Variants in ME1 observed in about 807,000 individuals in gnomAD.
The protein encoded by ME1 is NADP-dependent malic enzyme.
Under a neutral mutation model 66.4 loss-of-function variants are expected in ME1, and 74 were observed. That is an observed-to-expected ratio of 1.11 (90% CI 0.92 to 1.35). The LOEUF (loss-of-function observed/expected upper bound fraction) is 1.35, where lower values mean the gene tolerates loss of function less well. Ranked by LOEUF, ME1 falls within the 40% of genes most tolerant of loss-of-function variation. ME1 has a pLI of 0.00. For missense variants in ME1, 750 were observed against 694.1 expected, an observed-to-expected ratio of 1.08 and a Z score of -0.90; for synonymous variants, 251 against 235.6, an observed-to-expected ratio of 1.07 and a Z score of -0.60.
At chr6:83,428,693 A>G (rs1192206929) in intron 1 of ME1, among the ~76,000 whole-genome samples, 3 of 152,234 alleles carry the variant, frequency 2.0e-5, no homozygotes, top group Non-Finnish European at 4.4e-5. Context: ...GTACATAGGA[A>G]ACTCTGTTAC....
chr6:83,270,793 T>C (rs1767069631), intron 6 of ME1, among the ~76,000 whole-genome samples: 1 of 152,054 alleles, frequency 6.6e-6, no homozygotes, highest in Non-Finnish European at 1.5e-5. Flanking sequence ...GTTGAAAAGA[T>C]TACTGAAAAG....
chr6:83,374,256 A>G (rs984663355), intron 3 of ME1, among the ~76,000 whole-genome samples: 3 of 152,182 alleles, frequency 2.0e-5, no homozygotes, highest in African/African-American at 7.2e-5. Flanking sequence ...CAGCCTCACC[A>G]GCATCTCTTG....
chr6:83,279,487 A>G (rs565510199), intron 6 of ME1, among the ~76,000 whole-genome samples: 48 of 152,322 alleles, frequency 3.2e-4, no homozygotes, highest in African/African-American at 1.1e-3. Context: ...AAGTAACAGT[A>G]CCAGAAATAA....
intron 7 of ME1, among the ~76,000 whole-genome samples, chr6:83,243,840 A>AT (rs1448903590): frequency 7.6e-6 from 1 of 132,130 alleles, no homozygotes; most frequent in African/African-American, 2.9e-5. Context: ...TATATAATAT[A>AT]AATTATATAT....
At chr6:83,232,864 G>C (rs1790330845) in intron 9 of ME1, among the ~76,000 whole-genome samples, 1 of 151,826 alleles carries the variant, frequency 6.6e-6, no homozygotes. Flanking sequence ...CTTTCTACAG[G>C]AGCTAAACAT....
chr6:83,224,050 T>C (rs1250734564), intron 11 of ME1, 117 bp from the exon 12 acceptor site: 17 of 929,264 alleles, frequency 1.8e-5, no homozygotes, highest in Non-Finnish European at 1.6e-6. Flanking sequence ...GAAGTCTAGT[T>C]TTTTATTAAC....
At chr6:83,372,394 A>C (rs1769206917) in intron 3 of ME1, among the ~76,000 whole-genome samples, 1 of 152,180 alleles carries the variant, frequency 6.6e-6, no homozygotes, top group Admixed American at 6.5e-5. Context: ...CAACAGTTTT[A>C]ATTTAATCAA....
At chr6:83,413,646 T>G (rs1422194977) in intron 1 of ME1, among the ~76,000 whole-genome samples, 4 of 150,568 alleles carry the variant, frequency 2.7e-5, no homozygotes, top group African/African-American at 1.0e-4. Flanking sequence ...TATTTTCAAT[T>G]TATTAACATA....
intron 5 of ME1, among the ~76,000 whole-genome samples, chr6:83,331,978 A>T (rs1156395933): frequency 6.6e-6 from 1 of 152,192 alleles, no homozygotes; most frequent in Non-Finnish European, 1.5e-5. Context: ...TAATCAACAT[A>T]ATTTCTATGA....
At chr6:83,348,468 G>A (rs1768729069) in intron 4 of ME1, among the ~76,000 whole-genome samples, 1 of 152,072 alleles carries the variant, frequency 6.6e-6, no homozygotes, top group African/African-American at 2.4e-5. Flanking sequence ...TATAAGGAGA[G>A]TAATATTGTC....
intron 2 of ME1, among the ~76,000 whole-genome samples, chr6:83,406,407 C>T (rs937272459): frequency 5.9e-5 from 9 of 152,142 alleles, no homozygotes; most frequent in Non-Finnish European, 1.3e-4. Flanking sequence ...AGGAATGGTA[C>T]CAGCTCCTCT....
At chr6:83,260,671 T>A (rs1188526964) in intron 6 of ME1, among the ~76,000 whole-genome samples, 1 of 152,156 alleles carries the variant, frequency 6.6e-6, no homozygotes, top group African/African-American at 2.4e-5. Context: ...TCATTTTAAC[T>A]CCCACTTATA....
rs185067270 is a variant in ME1 at position 83,283,589 on chromosome 6, A to G, written c.705-29851T>C. ...TGTATCCCAGAACTTAAAATAAAAA[A>G]CAAAAACAAAAACAAACAAACAAAA... is the stretch of plus-strand genomic sequence containing the variant. On this transcript the variant is annotated intron_variant, in intron 6 of 13. Coordinates refer to ENST00000369705, the MANE Select transcript of ME1 (RefSeq NM_002395.6). Among the ~76,000 whole-genome samples the G allele has an allele frequency of 3.8e-3, 584 of 152,242 alleles. 1 individual carries two copies. Among genetic ancestry groups the G allele is most frequent in the African/African-American group, 0.013 (561 of 41,556 alleles).
intron 5 of ME1, among the ~76,000 whole-genome samples, chr6:83,331,977 T>C (rs1047544225): frequency 5.9e-5 from 9 of 152,094 alleles, no homozygotes; most frequent in Admixed American, 5.2e-4. Context: ...ATAATCAACA[T>C]AATTTCTATG....
intron 6 of ME1, among the ~76,000 whole-genome samples, chr6:83,268,878 C>T (rs909237185): frequency 1.3e-5 from 2 of 151,908 alleles, no homozygotes; most frequent in Non-Finnish European, 2.9e-5. Flanking sequence ...AGGCATGAGC[C>T]ACTGTATCCA....
chr6:83,286,797 T>C (rs939434392), intron 6 of ME1, among the ~76,000 whole-genome samples: 3 of 152,180 alleles, frequency 2.0e-5, no homozygotes, highest in Non-Finnish European at 4.4e-5. Flanking sequence ...TATATTTATA[T>C]TAAAATTTTC....
chr6:83,425,683 G>A (rs1194572914), intron 1 of ME1, among the ~76,000 whole-genome samples: 1 of 152,082 alleles, frequency 6.6e-6, no homozygotes, highest in East Asian at 1.9e-4. Context: ...GATGAGATTT[G>A]GGTAGGAACA....
chr6:83,251,220 C>T (rs755295614), intron 7 of ME1, among the ~76,000 whole-genome samples: 2 of 152,084 alleles, frequency 1.3e-5, no homozygotes, highest in Admixed American at 6.6e-5. Context: ...ATAGGTCAGG[C>T]ATGGTGGCTT....
At chr6:83,246,372 T>C (rs909074711) in intron 7 of ME1, among the ~76,000 whole-genome samples, 1 of 152,162 alleles carries the variant, frequency 6.6e-6, no homozygotes, top group African/African-American at 2.4e-5. Context: ...AATCCCACTG[T>C]GTAGCTGTAA....
Sources: gnomAD v4.1 joint callset for allele counts (sites outside exome capture counted in the v4.1 genomes callset) on GRCh38, gnomAD v4.1.1 for gene constraint, MANE v1.5 for transcripts, NCBI Gene and HGNC (gene_info 2026-07-23, HGNC 2026-07-21) for gene names.